Variants in PDZD2 observed in about 807,000 individuals in gnomAD.
PDZD2 encodes PDZ domain-containing protein 2.
Under a neutral mutation model 220.7 loss-of-function variants are expected in PDZD2, and 90 were observed. The ratio of observed to expected loss-of-function variants is 0.41; its 90% CI spans 0.34 to 0.49. The LOEUF (loss-of-function observed/expected upper bound fraction) is 0.49, where lower values mean the gene tolerates loss of function less well. Among genes scored for constraint, PDZD2 ranks in the 20% least tolerant of loss-of-function variants. The probability of loss-of-function intolerance (pLI) is 0.28; values close to 1 mark genes in which losing one functional copy is unlikely to be tolerated. For missense variants in PDZD2, 3,174 were observed against 3,608.5 expected, an observed-to-expected ratio of 0.88 and a Z score of 3.08; for synonymous variants, 1,375 against 1,450.5, an observed-to-expected ratio of 0.95 and a Z score of 1.18.
intron 2 of PDZD2, among the ~76,000 whole-genome samples, chr5:31,873,444 G>GAAA (rs35706067): frequency 6.9e-6 from 1 of 144,046 alleles, no homozygotes. Context: ...CTCACCAAAA[G>GAAA]AAAAAAAAAA....
chr5:31,865,793 G>T (rs569612178), intron 2 of PDZD2, among the ~76,000 whole-genome samples: 3 of 150,924 alleles, frequency 2.0e-5, no homozygotes, highest in Non-Finnish European at 4.4e-5. Context: ...CACCACGCCC[G>T]GCTAATTTTT....
At chr5:32,069,997 T>G (rs1740606380) in intron 15 of PDZD2, among the ~76,000 whole-genome samples, 2 of 152,162 alleles carry the variant, frequency 1.3e-5, no homozygotes. Context: ...ATGCAGAGTA[T>G]TATCTACCAA....
intron 2 of PDZD2, among the ~76,000 whole-genome samples, chr5:31,867,532 C>T (rs192948959): frequency 5.3e-5 from 8 of 152,248 alleles, no homozygotes; most frequent in East Asian, 1.9e-4. Context: ...ACACGGAGAT[C>T]GGTGCTGCTT....
chr5:31,720,553 G>A (rs1345534954), intron 1 of PDZD2, among the ~76,000 whole-genome samples: 2 of 152,170 alleles, frequency 1.3e-5, no homozygotes, highest in East Asian at 1.9e-4. Flanking sequence ...TATGTGACAC[G>A]GGAGCCTTCA....
At position 32,089,531 on chromosome 5, in the gene PDZD2, C is replaced by G; in HGVS notation, c.6083C>G (p.Ala2028Gly). The change falls in exon 20 of 25, where the codon GCG becomes GGG. Residue 2028 changes from alanine (A) to glycine (G), a missense_variant. Ala to Gly is a moderately conservative substitution (Grantham distance 60). Coordinates refer to ENST00000438447, the MANE Select transcript of PDZD2 (RefSeq NM_178140.4). ...KSPKCRAEGR[A>G]PRADSGPVSP... Reference sequence around the variant, plus strand: ...CCTAAGTGTAGAGCAGAGGGCAGGGCGCCCCGTGCTGACTCCGGGCCGGTG... The same window carrying G: ...CCTAAGTGTAGAGCAGAGGGCAGGGGGCCCCGTGCTGACTCCGGGCCGGTG... The G allele has an allele frequency of 6.2e-7, 1 of 1,612,166 alleles. No individual in the cohort carries two copies. Among genetic ancestry groups the G allele is most frequent in the Non-Finnish European group, 8.5e-7 (1 of 1,179,980 alleles).
At chr5:31,694,826 A>G (rs1443960725) in intron 1 of PDZD2, among the ~76,000 whole-genome samples, 1 of 146,198 alleles carries the variant, frequency 6.8e-6, no homozygotes. Flanking sequence ...AAGTTTATTA[A>G]GAAAGTAAAG....
At chr5:32,064,270 C>T (rs187495249) in intron 14 of PDZD2, among the ~76,000 whole-genome samples, 2 of 150,986 alleles carry the variant, frequency 1.3e-5, no homozygotes, top group Admixed American at 1.3e-4. Flanking sequence ...GAGACAAAGT[C>T]TCTCTCAGTT....
intron 2 of PDZD2, 63 bp from the exon 3 acceptor site, chr5:31,983,092 G>A (rs1750427086): frequency 1.3e-6 from 2 of 1,531,788 alleles, no homozygotes; most frequent in African/African-American, 2.8e-5. Flanking sequence ...GAACGCGTCT[G>A]TCTGCTGTGC....
intron 2 of PDZD2, among the ~76,000 whole-genome samples, chr5:31,802,687 G>A (rs1335682028): frequency 2.6e-5 from 4 of 152,132 alleles, no homozygotes; most frequent in Admixed American, 6.5e-5. Context: ...TTGGGAGGCC[G>A]AGGCGGGCAG....
At chr5:31,893,127 A>T (rs1741205714) in intron 2 of PDZD2, among the ~76,000 whole-genome samples, 1 of 152,214 alleles carries the variant, frequency 6.6e-6, no homozygotes, top group South Asian at 2.1e-4. Flanking sequence ...CCCACTGACC[A>T]GGACCTTTCG....
At chr5:31,942,205 C>T (rs562050189) in intron 2 of PDZD2, among the ~76,000 whole-genome samples, 6 of 152,136 alleles carry the variant, frequency 3.9e-5, no homozygotes, top group Admixed American at 2.6e-4. Flanking sequence ...TTTTTATGGC[C>T]GTATCTAACA....
intron 2 of PDZD2, among the ~76,000 whole-genome samples, chr5:31,879,375 A>G (rs558872342): frequency 7.0e-6 from 1 of 143,346 alleles, no homozygotes; most frequent in South Asian, 2.4e-4. Flanking sequence ...CGACAGAGCG[A>G]GACTCTGTCT....
intron 20 of PDZD2, among the ~76,000 whole-genome samples, chr5:32,092,184 G>C (rs1743218365): frequency 6.6e-6 from 1 of 150,826 alleles, no homozygotes; most frequent in South Asian, 2.1e-4. Context: ...TGAGGCAGGA[G>C]AATCGCTTGA....
Position 32,089,388 on chromosome 5 carries a change from G to A in PDZD2, c.5940G>A (p.Arg1980=). The change falls in exon 20 of 25, where the codon AGG becomes AGA. Residue 1980 remains arginine, a synonymous_variant. Coordinates refer to ENST00000438447, the MANE Select transcript of PDZD2 (RefSeq NM_178140.4). ...LKPSVSDTSI[R]TFVSPLTSPK... is the part of the protein sequence containing the mutation. ...CCTCAGTGTCTGACACGAGCATCAG[G>A]ACATTTGTCTCGCCCCTGACCTCTC... 6.2e-7 allele frequency: 1 copy of A among 1,614,094 alleles called. No homozygotes were observed. The highest frequency in any genetic ancestry group is 8.5e-7 in the Non-Finnish European group (1 of 1,180,042).
intron 6 of PDZD2, among the ~76,000 whole-genome samples, chr5:32,020,214 A>G (rs1390470265): frequency 1.3e-5 from 2 of 152,072 alleles, no homozygotes. Flanking sequence ...CATGTTGACC[A>G]AGCTGGTCTC....
chr5:31,863,001 C>A (rs1270032437), intron 2 of PDZD2, among the ~76,000 whole-genome samples: 1 of 152,136 alleles, frequency 6.6e-6, no homozygotes, highest in Non-Finnish European at 1.5e-5. Context: ...CGTGGCAATC[C>A]CACGCCTGCT....
rs192983495 is a variant in PDZD2 at position 31,768,516 on chromosome 5, C to A, written c.-360-30373C>A. Among the ~76,000 whole-genome samples the A allele has an allele frequency of 2.0e-4, 30 of 152,162 alleles. No individual in the cohort carries two copies. The East Asian group carries it at 3.7e-3, about 19-fold the overall frequency. On this transcript the variant is annotated intron_variant, in intron 1 of 24. Coordinates refer to ENST00000438447, the MANE Select transcript of PDZD2 (RefSeq NM_178140.4). The stretch of plus-strand genomic sequence containing the variant: ...AATTAGCTGGGCATGGTGGCACGTA[C>A]CTGTAGTCCCAGCTACTTGGGAGGC...
intron 13 of PDZD2, among the ~76,000 whole-genome samples, chr5:32,060,177 T>C (rs1050766777): frequency 6.8e-6 from 1 of 148,068 alleles, no homozygotes; most frequent in Non-Finnish European, 1.5e-5. Flanking sequence ...AATTTCCATA[T>C]GAAAAAAAAT....
intron 1 of PDZD2, among the ~76,000 whole-genome samples, chr5:31,762,868 G>T (rs1213447908): frequency 6.6e-6 from 1 of 152,146 alleles, no homozygotes; most frequent in Non-Finnish European, 1.5e-5. Flanking sequence ...CCCCTGTGGA[G>T]TGCTGCCTTC....
Sources: allele counts gnomAD v4.1 joint callset (sites outside exome capture counted in the v4.1 genomes callset), GRCh38; gene constraint gnomAD v4.1.1; transcripts MANE v1.5; gene names NCBI Gene and HGNC (gene_info 2026-07-23, HGNC 2026-07-21).